Variants in RBFOX1 observed in about 807,000 individuals in gnomAD.
The protein encoded by RBFOX1 is RNA binding protein fox-1 homolog 1.
Under a neutral mutation model 57.7 loss-of-function variants are expected in RBFOX1, and 8 were observed. That is an observed-to-expected ratio of 0.14 (90% CI 0.08 to 0.25). The LOEUF is 0.25. Among genes scored for constraint, RBFOX1 ranks in the 10% least tolerant of loss-of-function variants. The probability of loss-of-function intolerance (pLI) is 1.00; values close to 1 mark genes in which losing one functional copy is unlikely to be tolerated. For synonymous variants in RBFOX1, 326 were observed against 222.4 expected (o/e 1.47, Z -4.15); for missense variants, 611 against 548.5 (o/e 1.11, Z -1.14).
intron 1 of RBFOX1, among the ~76,000 whole-genome samples, chr16:6,204,045 T>G (rs1249139589): frequency 6.6e-6 from 1 of 152,076 alleles, no homozygotes; most frequent in South Asian, 2.1e-4. Context: ...TAAAATTATT[T>G]CTTTCTACAG....
At position 6,769,640 on chromosome 16, in the gene RBFOX1, C is replaced by G. The variant is rs189425868; in HGVS notation, c.-16+114990C>G. ...CATCTCCAAATGATGACTGTTGGCTCTAATGTATAATACGAGTGTATCTTC... is the reference window on the plus strand; with the variant it reads ...CATCTCCAAATGATGACTGTTGGCTGTAATGTATAATACGAGTGTATCTTC... On this transcript the variant is annotated intron_variant, in intron 3 of 15. Coordinates refer to ENST00000550418, the MANE Select transcript of RBFOX1 (RefSeq NM_018723.4). Among the ~76,000 whole-genome samples the G allele has an allele frequency of 1.1e-4, 17 of 152,332 alleles. No individual in the cohort carries two copies. The East Asian group carries it at 2.9e-3, about 26-fold the overall frequency.
chr16:6,894,506 C>T lies in RBFOX1; in HGVS notation c.-15-157551C>T, dbSNP rs2066282427. On this transcript the variant is annotated intron_variant, in intron 3 of 15. Coordinates refer to ENST00000550418, the MANE Select transcript of RBFOX1 (RefSeq NM_018723.4). ...TGGGAATCTGTCTCATGTTTCTGTT[C>T]ACACCTGCTCTCCATCCCAACTAGA... Among the ~76,000 whole-genome samples, 3 of 152,248 alleles carry T rather than the reference C, an allele frequency of 2.0e-5. No individual in the cohort carries two copies. In the South Asian group the frequency reaches 6.2e-4, roughly 32 times the overall value.
chr16:7,332,674 C>G, intron 4 of RBFOX1: 4 of 509,590 alleles, frequency 7.8e-6, no homozygotes, highest in Non-Finnish European at 1.1e-5. Flanking sequence ...CTCTCTCTGT[C>G]TCTCTCTCTC....
At position 6,622,936 on chromosome 16, in the gene RBFOX1, C is replaced by A. The variant is rs143120601; in HGVS notation, c.-63-31667C>A. On this transcript the variant is annotated intron_variant, in intron 2 of 15. Coordinates refer to ENST00000550418, the MANE Select transcript of RBFOX1 (RefSeq NM_018723.4). ...AGAATGCTAGTTAATGCACTTAATT[C>A]TCTCAGGGTCTTCTTACTTTAGACT... is the stretch of plus-strand genomic sequence containing the variant. Among the ~76,000 whole-genome samples, 614 of 152,308 alleles carry A rather than the reference C, an allele frequency of 4.0e-3. 2 individuals carry two copies. Among genetic ancestry groups the A allele is most frequent in the Non-Finnish European group, 6.9e-3 (472 of 68,036 alleles).
chr16:7,189,965 G>A (rs1030973473), intron 4 of RBFOX1, among the ~76,000 whole-genome samples: 1 of 152,222 alleles, frequency 6.6e-6, no homozygotes, highest in Admixed American at 6.5e-5. Flanking sequence ...TGCAAATGTA[G>A]AGTTCTTCAT....
chr16:6,985,964 C>A (rs1039326951), intron 3 of RBFOX1, among the ~76,000 whole-genome samples: 1 of 150,648 alleles, frequency 6.6e-6, no homozygotes. Context: ...GAATAAGGCA[C>A]TTTCCAAACT....
intron 3 of RBFOX1, among the ~76,000 whole-genome samples, chr16:6,798,091 C>G (rs982236902): frequency 6.6e-6 from 1 of 152,100 alleles, no homozygotes; most frequent in Admixed American, 6.5e-5. Flanking sequence ...AAATATATGC[C>G]ACACCCTTAA....
intron 4 of RBFOX1, among the ~76,000 whole-genome samples, chr16:7,061,487 G>T (rs2153747186): frequency 6.6e-6 from 1 of 152,178 alleles, no homozygotes; most frequent in East Asian, 1.9e-4. Context: ...CTTCATTTTT[G>T]ATGCTGAATC....
chr16:5,968,118 A>C (rs998503989), intron 4 of RBFOX1, among the ~76,000 whole-genome samples: 5 of 152,170 alleles, frequency 3.3e-5, no homozygotes, highest in African/African-American at 9.7e-5. Flanking sequence ...TCTATCACCC[A>C]GGCTGGAGTG....
intron 1 of RBFOX1, among the ~76,000 whole-genome samples, chr16:6,142,774 C>G (rs1205580569): frequency 6.6e-6 from 1 of 152,186 alleles, no homozygotes; most frequent in Non-Finnish European, 1.5e-5. Flanking sequence ...TTTTCCACTT[C>G]TTCTCACTTA....
intron 1 of RBFOX1, among the ~76,000 whole-genome samples, chr16:5,396,231 C>G (rs1306597225): frequency 6.6e-6 from 1 of 152,152 alleles, no homozygotes; most frequent in Admixed American, 6.5e-5. Context: ...TGAAATGTTA[C>G]CAAGGTATAA....
intron 1 of RBFOX1, among the ~76,000 whole-genome samples, chr16:6,110,096 C>T (rs2096427229): frequency 6.6e-6 from 1 of 151,890 alleles, no homozygotes; most frequent in African/African-American, 2.4e-5. Flanking sequence ...TATATTTAAT[C>T]CATCAGCACA....
At chr16:6,875,970 C>T (rs776592641) in intron 3 of RBFOX1, among the ~76,000 whole-genome samples, 1 of 151,922 alleles carries the variant, frequency 6.6e-6, no homozygotes, top group Non-Finnish European at 1.5e-5. Flanking sequence ...TGCACTTCAG[C>T]CTGGGCAACA....
chr16:6,296,675 C>T lies in RBFOX1; in HGVS notation c.-126-20320C>T, dbSNP rs2078153968. Among the ~76,000 whole-genome samples, 5 of 152,152 alleles carry T rather than the reference C, an allele frequency of 3.3e-5. No individual in the cohort carries two copies. In the South Asian group the frequency reaches 1.0e-3, roughly 32 times the overall value. ...GACCTTGTGATCCACCTGCCTCGGC[C>T]TCCCAAAGTGCTGGGATTACAGACG... On this transcript the variant is annotated intron_variant, in intron 1 of 15. Coordinates refer to ENST00000550418, the MANE Select transcript of RBFOX1 (RefSeq NM_018723.4).
intron 3 of RBFOX1, among the ~76,000 whole-genome samples, chr16:5,837,482 A>G (rs1055792274): frequency 1.3e-5 from 2 of 150,794 alleles, no homozygotes; most frequent in Non-Finnish European, 3.0e-5. Context: ...ACTCTCAGCC[A>G]CCCTCTGCCC....
chr16:6,842,191 T>G (rs1445318798), intron 3 of RBFOX1, among the ~76,000 whole-genome samples: 1 of 150,074 alleles, frequency 6.7e-6, no homozygotes, highest in Admixed American at 6.7e-5. Context: ...AATAAATAAA[T>G]TGGAACTGAG....
chr16:6,249,599 A>T (rs113189044), intron 1 of RBFOX1, among the ~76,000 whole-genome samples: 5 of 152,218 alleles, frequency 3.3e-5, no homozygotes, highest in African/African-American at 1.2e-4. Context: ...CAGCCAGCAT[A>T]GGTAGAGAGT....
At chr16:7,234,491 A>G (rs1603421613) in intron 4 of RBFOX1, among the ~76,000 whole-genome samples, 1 of 152,052 alleles carries the variant, frequency 6.6e-6, no homozygotes. Context: ...AACCAGGCTC[A>G]AAGTTTGTCT....
intron 3 of RBFOX1, among the ~76,000 whole-genome samples, chr16:6,882,242 A>T (rs980915777): frequency 3.3e-5 from 5 of 152,182 alleles, no homozygotes; most frequent in African/African-American, 1.2e-4. Flanking sequence ...CCTTAGAGAG[A>T]TGGAGAGGGA....
Sources: allele counts gnomAD v4.1 joint callset (sites outside exome capture counted in the v4.1 genomes callset), GRCh38; gene constraint gnomAD v4.1.1; transcripts MANE v1.5; gene names NCBI Gene and HGNC (gene_info 2026-07-23, HGNC 2026-07-21).